The following CAPN14 variants were observed in gnomAD, a reference collection of about 807,000 sequenced individuals.
The protein encoded by CAPN14 is calpain-14.
Under a neutral mutation model 101.3 loss-of-function variants are expected in CAPN14, and 94 were observed. The ratio of observed to expected loss-of-function variants is 0.93; its 90% CI spans 0.79 to 1.10. The LOEUF (loss-of-function observed/expected upper bound fraction) is 1.10, where lower values mean the gene tolerates loss of function less well. Ranked by LOEUF, CAPN14 falls within the 50% of genes least tolerant of loss-of-function variation. The pLI is 0.00. For synonymous variants in CAPN14, 338 were observed against 317.9 expected (o/e 1.06, Z -0.67); for missense variants, 837 against 828.4 (o/e 1.01, Z -0.13).
intron 16 of CAPN14, among the ~76,000 whole-genome samples, chr2:31,182,381 G>A (rs568016144): frequency 0.032 from 4,742 of 146,240 alleles, 100 homozygotes; most frequent in Middle Eastern, 0.058. Context: ...ATTGGGAAGA[G>A]AGGAAGTCAA....
At chr2:31,229,370 G>GA (rs968851542) in intron 1 of CAPN14, among the ~76,000 whole-genome samples, 1 of 151,932 alleles carries the variant, frequency 6.6e-6, no homozygotes, top group African/African-American at 2.4e-5. Flanking sequence ...CCACAGTTAT[G>GA]AAAAAAATTC....
chr2:31,225,372 GA>G (rs1206703560), intron 2 of CAPN14, among the ~76,000 whole-genome samples: 1 of 151,826 alleles, frequency 6.6e-6, no homozygotes, highest in African/African-American at 2.4e-5. Flanking sequence ...TGGAGTGAGA[GA>G]AAAAAATGTA....
chr2:31,225,472 T>G (rs1183646001), intron 2 of CAPN14, among the ~76,000 whole-genome samples: 1 of 152,038 alleles, frequency 6.6e-6, no homozygotes, highest in Non-Finnish European at 1.5e-5. Context: ...GCATTAATAA[T>G]ATTCCCAATA....
intron 1 of CAPN14, among the ~76,000 whole-genome samples, chr2:31,207,722 C>A (rs1682173535): frequency 6.6e-6 from 1 of 152,084 alleles, no homozygotes; most frequent in Non-Finnish European, 1.5e-5. Flanking sequence ...ACAGAGATGG[C>A]GGCACTGCAC....
intron 11 of CAPN14, 111 bp downstream of exon 11, chr2:31,191,824 G>T: frequency 9.1e-7 from 1 of 1,097,506 alleles, no homozygotes; most frequent in Non-Finnish European, 1.3e-6. Context: ...TGAAAACCCA[G>T]GTCTGTGAAC....
At chr2:31,225,477 C>G (rs1682994103) in intron 2 of CAPN14, among the ~76,000 whole-genome samples, 1 of 151,660 alleles carries the variant, frequency 6.6e-6, no homozygotes, top group African/African-American at 2.4e-5. Context: ...AATAATATTC[C>G]CAATAATTTC....
At chr2:31,208,238 C>A (rs1466958137) in intron 1 of CAPN14, among the ~76,000 whole-genome samples, 1 of 152,090 alleles carries the variant, frequency 6.6e-6, no homozygotes, top group Non-Finnish European at 1.5e-5. Context: ...CCCAGGCTTA[C>A]CCCATTTTCT....
intron 15 of CAPN14, 30 bp from the exon 16 acceptor site, chr2:31,186,515 A>T: frequency 6.5e-7 from 1 of 1,527,996 alleles, no homozygotes; most frequent in Non-Finnish European, 8.9e-7. Context: ...GCAAGAAAAA[A>T]TAACTGTTAC....
intron 7 of CAPN14, among the ~76,000 whole-genome samples, 198 bp downstream of exon 7, chr2:31,199,272 G>T (rs1021993171): frequency 6.6e-6 from 1 of 152,156 alleles, no homozygotes; most frequent in African/African-American, 2.4e-5. Flanking sequence ...AGGGGATGAG[G>T]TTGGGATGAT....
At chr2:31,194,333 G>T in intron 9 of CAPN14, 76 bp downstream of exon 9, 1 of 1,067,358 alleles carries the variant, frequency 9.4e-7, no homozygotes, top group Non-Finnish European at 1.4e-6. Flanking sequence ...GCACCCATAA[G>T]GCATCCAATA....
chr2:31,232,448 T>C (rs556000768), intron 1 of CAPN14, among the ~76,000 whole-genome samples: 14 of 152,376 alleles, frequency 9.2e-5, no homozygotes, highest in African/African-American at 3.4e-4. Flanking sequence ...TCGTCTGTTT[T>C]CACACTGCTG....
At chr2:31,187,699 G>T in intron 15 of CAPN14, 59 bp downstream of exon 15, 1 of 1,414,920 alleles carries the variant, frequency 7.1e-7, no homozygotes, top group South Asian at 1.3e-5. Flanking sequence ...TTTATAAAAT[G>T]AGAAGCTCCA....
At chr2:31,210,884 T>G (rs1682362945) in intron 1 of CAPN14, among the ~76,000 whole-genome samples, 1 of 152,220 alleles carries the variant, frequency 6.6e-6, no homozygotes, top group South Asian at 2.1e-4. Context: ...CAACCAAAAT[T>G]TATTTTTAAA....
chr2:31,205,257 T>TTCTGCAGCAGGGAGCC lies in CAPN14; in HGVS notation c.175_190dup (p.Lys64ArgfsTer71). On this transcript the variant is annotated frameshift_variant, in exon 2 of 22. Transcript: ENST00000403897. LOFTEE classifies it high-confidence loss of function. Reference sequence around the variant, plus strand: ...CTTCCACTGCAGGCGGGGTGGCAGCTTCTGCAGCAGGGAGCCACTGCCGAT... The same window carrying TTCTGCAGCAGGGAGCC: ...CTTCCACTGCAGGCGGGGTGGCAGCTTCTGCAGCAGGGAGCCTCTGCAGCAGGGAGCCACTGCCGAT... 6.5e-7 allele frequency: 1 copy of TTCTGCAGCAGGGAGCC among 1,549,900 alleles called. No individual in the cohort carries two copies. Among genetic ancestry groups the TTCTGCAGCAGGGAGCC allele is most frequent in the South Asian group, 1.2e-5 (1 of 83,964 alleles).
chr2:31,181,342 C>T (rs924068031), intron 16 of CAPN14, among the ~76,000 whole-genome samples: 1 of 151,924 alleles, frequency 6.6e-6, no homozygotes, highest in African/African-American at 2.4e-5. Flanking sequence ...AAGCTCCCAA[C>T]CAAACTGGGG....
chr2:31,218,089 C>T (rs1682733712), upstream of CAPN14, among the ~76,000 whole-genome samples: 1 of 152,098 alleles, frequency 6.6e-6, no homozygotes, highest in African/African-American at 2.4e-5. Flanking sequence ...CCATTTTGGC[C>T]ATCTGGGACT....
chr2:31,232,875 A>G (rs1486023362), intron 1 of CAPN14, among the ~76,000 whole-genome samples: 2 of 151,954 alleles, frequency 1.3e-5, no homozygotes, highest in Non-Finnish European at 2.9e-5. Flanking sequence ...TCCATAGCCT[A>G]CTCCTTCTTC....
chr2:31,211,306 T>A (rs1323484043), intron 1 of CAPN14, among the ~76,000 whole-genome samples: 3 of 152,100 alleles, frequency 2.0e-5, no homozygotes, highest in African/African-American at 7.2e-5. Flanking sequence ...ATGACTATTA[T>A]TCACAGAAGA....
intron 11 of CAPN14, 114 bp downstream of exon 11, chr2:31,191,821 C>G: frequency 9.3e-7 from 1 of 1,076,996 alleles, no homozygotes; most frequent in Non-Finnish European, 1.3e-6. Context: ...ATTTGAAAAC[C>G]CAGGTCTGTG....
Sources: gnomAD v4.1 joint callset for allele counts (sites outside exome capture counted in the v4.1 genomes callset) on GRCh38, gnomAD v4.1.1 for gene constraint, MANE v1.5 for transcripts, NCBI Gene and HGNC (gene_info 2026-07-23, HGNC 2026-07-21) for gene names.